EIPR1: variants seen among roughly 807,000 people sequenced by gnomAD.
EIPR1 encodes EARP complex and GARP complex interacting protein 1.
EIPR1 carries 25 observed loss-of-function variants against 48.1 expected under a neutral mutation model. The observed-to-expected ratio is 0.52, with a 90% CI of 0.38 to 0.73. The LOEUF (loss-of-function observed/expected upper bound fraction) is 0.73, where lower values mean the gene tolerates loss of function less well. Among genes scored for constraint, EIPR1 ranks in the 30% least tolerant of loss-of-function variants. EIPR1 has a pLI of 0.00. For missense variants in EIPR1, 415 were observed against 506.2 expected, an observed-to-expected ratio of 0.82 and a Z score of 1.73; for synonymous variants, 204 against 201.9, an observed-to-expected ratio of 1.01 and a Z score of -0.09.
intron 2 of EIPR1, among the ~76,000 whole-genome samples, chr2:3,350,664 A>T (rs1670544757): frequency 6.6e-6 from 1 of 152,214 alleles, no homozygotes. Flanking sequence ...TGGATGAATG[A>T]ATGAACAGCT....
chr2:3,363,818 A>AC (rs56331522), intron 1 of EIPR1, among the ~76,000 whole-genome samples: 4 of 151,366 alleles, frequency 2.6e-5, no homozygotes, highest in Admixed American at 6.6e-5. Flanking sequence ...AAAAAAAAAA[A>AC]CACCAAAATA....
At chr2:3,209,961 G>A (rs905101100) in intron 5 of EIPR1, among the ~76,000 whole-genome samples, 3 of 152,160 alleles carry the variant, frequency 2.0e-5, no homozygotes, top group Non-Finnish European at 2.9e-5. Context: ...ACAGGTGTCA[G>A]GACACATTTG....
At chr2:3,258,673 T>A (rs1044006102) in intron 3 of EIPR1, among the ~76,000 whole-genome samples, 1 of 152,188 alleles carries the variant, frequency 6.6e-6, no homozygotes, top group Admixed American at 6.5e-5. Flanking sequence ...TGACAAAATA[T>A]CTAACTTTGT....
At chr2:3,254,428 T>G (rs1667093449) in intron 4 of EIPR1, among the ~76,000 whole-genome samples, 2 of 152,188 alleles carry the variant, frequency 1.3e-5, no homozygotes, top group African/African-American at 4.8e-5. Flanking sequence ...AAAACCCAGA[T>G]GAGCTTCAAC....
intron 3 of EIPR1, among the ~76,000 whole-genome samples, chr2:3,288,440 T>G (rs760275736): frequency 2.6e-5 from 4 of 152,148 alleles, no homozygotes; most frequent in Admixed American, 6.5e-5. Context: ...CTCACGTGGC[T>G]GGGGCTGCTG....
At chr2:3,301,877 C>T (rs1362151469) in intron 3 of EIPR1, among the ~76,000 whole-genome samples, 2 of 152,156 alleles carry the variant, frequency 1.3e-5, no homozygotes, top group African/African-American at 4.8e-5. Flanking sequence ...GGAATAAAAA[C>T]AAATTTAGAA....
At chr2:3,264,368 C>G (rs577986786) in intron 3 of EIPR1, among the ~76,000 whole-genome samples, 13 of 152,312 alleles carry the variant, frequency 8.5e-5, no homozygotes, top group African/African-American at 3.1e-4. Context: ...TTTATCCGTT[C>G]ATCCGGCTCA....
intron 4 of EIPR1, among the ~76,000 whole-genome samples, chr2:3,254,470 T>C (rs1313150931): frequency 6.6e-6 from 1 of 152,166 alleles, no homozygotes; most frequent in Non-Finnish European, 1.5e-5. Flanking sequence ...TGGTGCGTCA[T>C]GCCATGGGAT....
intron 2 of EIPR1, among the ~76,000 whole-genome samples, chr2:3,351,471 G>C (rs1267341572): frequency 5.9e-5 from 9 of 152,114 alleles, no homozygotes; most frequent in African/African-American, 2.2e-4. Context: ...CTGGGTTTCT[G>C]CTGACTTCTG....
intron 2 of EIPR1, 79 bp downstream of exon 2, chr2:3,354,471 G>C: frequency 7.4e-7 from 1 of 1,345,744 alleles, no homozygotes; most frequent in Non-Finnish European, 1.0e-6. Context: ...AAATGTTGCT[G>C]GAAAATCAGA....
chr2:3,258,892 TACAG>T (rs746247420), intron 3 of EIPR1, among the ~76,000 whole-genome samples: 1 of 152,198 alleles, frequency 6.6e-6, no homozygotes, highest in East Asian at 1.9e-4. Context: ...AAATGGAGTG[TACAG>T]ACAGTTCTGT....
chr2:3,344,380 T>A (rs773016088), intron 2 of EIPR1, among the ~76,000 whole-genome samples: 1 of 152,238 alleles, frequency 6.6e-6, no homozygotes, highest in East Asian at 1.9e-4. Flanking sequence ...GGTTACAGCA[T>A]GTGACTCTGA....
chr2:3,287,843 C>CATGCTCCAGAAAGCTCATTCAG lies in EIPR1; in HGVS notation c.260-30389_260-30388insCTGAATGAGCTTTCTGGAGCAT, dbSNP rs1558275293. ...CACCATGCTCCAGAAAGCTCATTCA[C>CATGCTCCAGAAAGCTCATTCAG]CATGCTCCAGAAAGCTCATTCACCA... is the stretch of plus-strand genomic sequence containing the variant. On this transcript the variant is annotated intron_variant, in intron 3 of 8. Transcript: ENST00000382125. Among the ~76,000 whole-genome samples the CATGCTCCAGAAAGCTCATTCAG allele has an allele frequency of 3.8e-3, 274 of 71,408 alleles. 3 individuals carry two copies. Among genetic ancestry groups the CATGCTCCAGAAAGCTCATTCAG allele is most frequent in the African/African-American group, 0.013 (245 of 19,482 alleles). The allele number at this position is 71,408 out of a possible 152,430, so 46.8% of individuals were successfully genotyped here. A position where few individuals can be genotyped will look rare whatever the true frequency, so the allele number is the denominator to read the frequency against.
chr2:3,209,987 C>T (rs1218977346), intron 5 of EIPR1, among the ~76,000 whole-genome samples: 1 of 152,122 alleles, frequency 6.6e-6, no homozygotes, highest in Non-Finnish European at 1.5e-5. Context: ...ACCCACAGAA[C>T]ATCCAGCACC....
chr2:3,296,960 G>C (rs988990527), intron 3 of EIPR1, among the ~76,000 whole-genome samples: 1 of 152,234 alleles, frequency 6.6e-6, no homozygotes, highest in Non-Finnish European at 1.5e-5. Flanking sequence ...TTCCAATTAA[G>C]AGCTAATCTT....
intron 7 of EIPR1, among the ~76,000 whole-genome samples, chr2:3,192,971 T>C (rs1309219173): frequency 6.6e-6 from 1 of 152,190 alleles, no homozygotes; most frequent in Non-Finnish European, 1.5e-5. Context: ...GCAGTGACTG[T>C]GGGTCCTGAG....
intron 4 of EIPR1, among the ~76,000 whole-genome samples, chr2:3,239,666 G>A (rs181175041): frequency 4.7e-5 from 7 of 150,094 alleles, no homozygotes; most frequent in South Asian, 2.1e-4. Context: ...CCCTCAGCAC[G>A]GTGCAGACCC....
At chr2:3,307,419 G>C (rs1291472594) in intron 3 of EIPR1, among the ~76,000 whole-genome samples, 1 of 152,212 alleles carries the variant, frequency 6.6e-6, no homozygotes, top group Non-Finnish European at 1.5e-5. Context: ...CCCTTCCTCA[G>C]TGGCACAGTG....
At chr2:3,314,210 T>C (rs949875742) in intron 3 of EIPR1, among the ~76,000 whole-genome samples, 1 of 152,160 alleles carries the variant, frequency 6.6e-6, no homozygotes, top group Non-Finnish European at 1.5e-5. Flanking sequence ...GCTGAAAAAT[T>C]CATCCCAGTT....
Sources: gnomAD v4.1 joint callset for allele counts (sites outside exome capture counted in the v4.1 genomes callset) on GRCh38, gnomAD v4.1.1 for gene constraint, MANE v1.5 for transcripts, NCBI Gene and HGNC (gene_info 2026-07-23, HGNC 2026-07-21) for gene names.